Variants in EOMES observed in about 807,000 individuals in gnomAD.
EOMES encodes eomesodermin.
EOMES carries 18 observed loss-of-function variants against 61.0 expected under a neutral mutation model. The ratio of observed to expected loss-of-function variants is 0.30; its 90% CI spans 0.20 to 0.44. The LOEUF (loss-of-function observed/expected upper bound fraction) is 0.44. EOMES is among the 20% of genes least tolerant of loss of function. The probability of loss-of-function intolerance (pLI) is 1.00; values close to 1 mark genes in which losing one functional copy is unlikely to be tolerated. For synonymous variants in EOMES, 430 were observed against 394.0 expected (o/e 1.09, Z -1.08); for missense variants, 885 against 939.2 (o/e 0.94, Z 0.75).
chr3:27,722,126 C>G lies in EOMES; in HGVS notation c.169G>C (p.Gly57Arg), dbSNP rs1188896468. Residue 57 changes from glycine to arginine, a missense_variant, in exon 1 of 6, where the codon GGC becomes CGC. Around this residue, in one of 3 missense-constraint regions of EOMES, gnomAD observed 449 missense variants for 383.6 expected, o/e 1.17. Coordinates refer to ENST00000449599, the MANE Select transcript of EOMES (RefSeq NM_001278182.2). Reference sequence around the variant, plus strand: ...CTCACCGCCTCGCAGGAGAGACTGCCGGAAAACTTCTTGGACGCTTTGTCT... The same window carrying G: ...CTCACCGCCTCGCAGGAGAGACTGCGGGAAAACTTCTTGGACGCTTTGTCT... ...DLDKASKKFS[G>R]SLSCEAVSGE... The G allele has an allele frequency of 5.1e-6, 8 of 1,554,304 alleles. No individual in the cohort carries two copies. Among genetic ancestry groups the G allele is most frequent in the Non-Finnish European group, 6.1e-6 (7 of 1,149,270 alleles).
Position 27,719,540 on chromosome 3 carries a change from G to C in EOMES, c.1037-59C>G, listed in dbSNP as rs1401316237. 2.7e-6 allele frequency: 4 copies of C among 1,482,264 alleles called. No homozygotes were observed. The East Asian group carries it at 9.1e-5, about 34-fold the overall frequency. 91.8% of individuals were successfully genotyped at this position (1,482,264 alleles called of 1,614,324 possible). A position where few individuals can be genotyped will look rare whatever the true frequency, so the allele number is the denominator to read the frequency against. On this transcript the variant is annotated intron_variant, in intron 2 of 5. Transcript: ENST00000449599. ...GCATATAGGGCTGTTTACAAATGGA[G>C]AAAGCGGAGGGATGTCTCTTAGCTA...
At chr3:27,718,936 CTT>C (rs755663629) in intron 3 of EOMES, 43 bp from the exon 4 acceptor site, 14 of 1,443,990 alleles carry the variant, frequency 9.7e-6, no homozygotes, top group African/African-American at 1.4e-5. Flanking sequence ...TAAAAAGCCT[CTT>C]AGTGGTTCAA....
rs1308832712 is a variant in EOMES at position 27,722,181 on chromosome 3, G to C, written c.114C>G (p.Ser38Arg). Residue 38 changes from serine to arginine, a missense_variant, in exon 1 of 6, where the codon AGC (serine) becomes AGG (arginine). Ser to Arg is a moderately radical substitution (Grantham distance 110, BLOSUM62 -1). Transcript: ENST00000449599. ...GSGGSAGHLPSAAPSPQKLDL... is the reference protein window; with the variant it reads ...GSGGSAGHLPRAAPSPQKLDL... ...CCAACTTCTGAGGAGAGGGGGCCGCGCTGGGGAGGTGGCCAGCGCTCCCGC... is the reference window on the plus strand; with the variant it reads ...CCAACTTCTGAGGAGAGGGGGCCGCCCTGGGGAGGTGGCCAGCGCTCCCGC... 5 of 1,594,964 alleles carry C rather than the reference G, an allele frequency of 3.1e-6. No homozygotes were observed. Among genetic ancestry groups the C allele is most frequent in the African/African-American group, 1.3e-5 (1 of 74,734 alleles).
Position 27,721,947 on chromosome 3 carries a change from G to A in EOMES, c.348C>T (p.Ser116=). The change falls in exon 1 of 6, where the codon TCC becomes TCT. Residue 116 remains serine (S), a synonymous_variant. Coordinates refer to ENST00000449599, the MANE Select transcript of EOMES (RefSeq NM_001278182.2). This position sits in a 1 kb window ranked among gnomAD's most constrained non-coding sequence, Gnocchi z 7.4. ...GSPCGEEELP[S]AAAAAAAAAA... is the part of the protein sequence containing the mutation. ...CGGCGGCGGCGGCGGCTGCAGCGGC[G>A]GAGGGCAGCTCCTCCTCCCCGCAGG... 7.4e-7 allele frequency: 1 copy of A among 1,358,956 alleles called. No individual in the cohort carries two copies. Among genetic ancestry groups the A allele is most frequent in the Non-Finnish European group, 9.4e-7 (1 of 1,061,496 alleles). The allele number at this position is 1,358,956 out of a possible 1,614,324, so 84.2% of individuals were successfully genotyped here.
intron 2 of EOMES, 59 bp downstream of exon 2, chr3:27,720,112 C>T (rs1310081315): frequency 6.1e-6 from 9 of 1,467,048 alleles, no homozygotes; most frequent in Non-Finnish European, 6.4e-6. Flanking sequence ...TTGTGTGAGT[C>T]GAGGGTTACG....
chr3:27,722,163 C>G lies in EOMES; in HGVS notation c.132G>C (p.Gln44His), dbSNP rs1162591117. The change falls in exon 1 of 6, where the codon CAG becomes CAC. Residue 44 changes from glutamine to histidine, a missense_variant. This residue lies in a region of EOMES where 449 missense variants were observed against 383.6 expected (regional missense o/e 1.17). Transcript: ENST00000449599. ...TGGACGCTTTGTCTAAGTCCAACTT[C>G]TGAGGAGAGGGGGCCGCGCTGGGGA... ...GHLPSAAPSP[Q>H]KLDLDKASKK... The G allele has an allele frequency of 1.9e-6, 3 of 1,582,200 alleles. No individual in the cohort carries two copies. The highest frequency in any genetic ancestry group is 2.6e-6 in the Non-Finnish European group (3 of 1,165,236).
Position 27,721,827 on chromosome 3 carries a change from C to T in EOMES, c.468G>A (p.Leu156=), listed in dbSNP as rs1341980901. ...LQSPGPQGSE[L]AAPCSLFPYQ... The stretch of plus-strand genomic sequence containing the variant: ...ACGGGAAGAGTGAGCAGGGCGCAGC[C>T]AGCTCCGACCCCTGAGGACCGGGGG... Residue 156 remains leucine, a synonymous_variant, in exon 1 of 6, where the codon CTG becomes CTA. Transcript: ENST00000449599. This position sits in a 1 kb window ranked among gnomAD's most constrained non-coding sequence, Gnocchi z 7.4. The T allele has an allele frequency of 2.0e-6, 3 of 1,519,114 alleles. No homozygotes were observed. The South Asian group carries it at 3.8e-5, about 19-fold the overall frequency. 94.1% of individuals were successfully genotyped at this position (1,519,114 alleles called of 1,614,324 possible).
In EOMES at chr3:27,717,405, C is replaced by T. The variant is rs772205038; in HGVS notation, c.1783G>A (p.Gly595Arg). 1 of 1,614,180 alleles carries T rather than the reference C, an allele frequency of 6.2e-7. No individual in the cohort carries two copies. Among genetic ancestry groups the T allele is most frequent in the Non-Finnish European group, 8.5e-7 (1 of 1,180,036 alleles). Residue 595 changes from glycine (G) to arginine (R), a missense_variant, in exon 6 of 6, where the codon GGA becomes AGA. Around this residue, in one of 3 missense-constraint regions of EOMES, gnomAD observed 259 missense variants for 282.3 expected, o/e 0.92. Transcript: ENST00000449599. The surrounding 1 kb of genome is among the most constrained non-coding windows in gnomAD (Gnocchi z 4.5). ...DPTFPAMAGW[G>R]GRGSYQRKMA... ...TTCCTCTGGTAAGAACCTCGACCTC[C>T]CCACCCTGCCATTGCAGGAAAGGTT... is the stretch of plus-strand genomic sequence containing the variant.
Position 27,718,897 on chromosome 3 carries a change from G to A in EOMES, c.1159-4C>T. Reference sequence around the variant, plus strand: ...GTAAGGATTGTAAGACTATCATCTGGAAAGAGTACAGAAAAAAATTGCTAA... The same window carrying A: ...GTAAGGATTGTAAGACTATCATCTGAAAAGAGTACAGAAAAAAATTGCTAA... On this transcript the variant is annotated splice_region_variant and splice_polypyrimidine_tract_variant and intron_variant, in intron 3 of 5. Transcript: ENST00000449599. 2 of 1,599,078 alleles carry A rather than the reference G, an allele frequency of 1.3e-6. No homozygotes were observed. Among genetic ancestry groups the A allele is most frequent in the Non-Finnish European group, 1.7e-6 (2 of 1,171,762 alleles).
chr3:27,722,530 C>G (rs935066990), upstream of EOMES: 33 of 1,339,786 alleles, frequency 2.5e-5, no homozygotes, highest in Non-Finnish European at 2.9e-5. Flanking sequence ...GAGGTGGAAA[C>G]TAACCCAGAA....
At position 27,717,239 on chromosome 3, in the gene EOMES, T is replaced by C. The variant is rs374923878; in HGVS notation, c.1949A>G (p.Asn650Ser). Residue 650 changes from asparagine (N) to serine (S), a missense_variant, in exon 6 of 6, where the codon AAT becomes AGT. Transcript: ENST00000449599. This position sits in a 1 kb window ranked among gnomAD's most constrained non-coding sequence, Gnocchi z 4.5. The part of the protein sequence containing the change: ...TPPSIKSLDS[N>S]DSGVYTSACK... Reference sequence around the variant, plus strand: ...AGCACTGGTGTATACTCCTGAATCATTGGAATCTAGAGATTTGATGGAAGG... The same window carrying C: ...AGCACTGGTGTATACTCCTGAATCACTGGAATCTAGAGATTTGATGGAAGG... The C allele has an allele frequency of 3.1e-5, 50 of 1,613,840 alleles. No homozygotes were observed. The highest frequency in any genetic ancestry group is 1.6e-4 in the Middle Eastern group (1 of 6,084).
Position 27,722,036 on chromosome 3 carries a change from C to T in EOMES, c.259G>A (p.Asp87Asn). 6.5e-7 allele frequency: 1 copy of T among 1,529,518 alleles called. No homozygotes were observed. Among genetic ancestry groups the T allele is most frequent in the South Asian group, 1.2e-5 (1 of 82,156 alleles). The allele number at this position is 1,529,518 out of a possible 1,614,324, so 94.7% of individuals were successfully genotyped here. A position where few individuals can be genotyped will look rare whatever the true frequency, so the allele number is the denominator to read the frequency against. The change falls in exon 1 of 6, where the codon GAC (aspartate) becomes AAC (asparagine). Residue 87 changes from aspartate (D) to asparagine (N), a missense_variant. Transcript: ENST00000449599. ...ACTGCCGCAGCGCTGGCAAATGCGT[C>T]CCCGGCGTCGGTGTCACTAAGCATG... ...AAMLSDTDAG[D>N]AFASAAAVAK...
At position 27,716,756 on chromosome 3, in the gene EOMES, C is replaced by A; in HGVS notation, c.*314G>T. The A allele has an allele frequency of 3.5e-6, 1 of 285,594 alleles. No homozygotes were observed. The highest frequency in any genetic ancestry group is 6.5e-6 in the Non-Finnish European group (1 of 153,670). The allele number at this position is 285,594 out of a possible 1,614,324, so 17.7% of individuals were successfully genotyped here. A position where few individuals can be genotyped will look rare whatever the true frequency, so the allele number is the denominator to read the frequency against. On this transcript the variant is annotated 3_prime_UTR_variant, in exon 6 of 6. Coordinates refer to ENST00000449599, the MANE Select transcript of EOMES (RefSeq NM_001278182.2). Reference sequence around the variant, plus strand: ...TAACTCATCTGATAGCACTGGGCACCCAATGTTCACAGCCTGCTTCTTTGA... The same window carrying A: ...TAACTCATCTGATAGCACTGGGCACACAATGTTCACAGCCTGCTTCTTTGA...
chr3:27,722,246 C>G lies in EOMES; in HGVS notation c.49G>C (p.Ala17Pro), dbSNP rs759319237. Reference sequence around the variant, plus strand: ...GCACTCTCCAGCGGGTAGAAGTGCGCGCCAGGCAGGTTCACTGAGCTCACC... The same window carrying G: ...GCACTCTCCAGCGGGTAGAAGTGCGGGCCAGGCAGGTTCACTGAGCTCACC... ...LLVSSVNLPG[A>P]HFYPLESARG... The change falls in exon 1 of 6, where the codon GCG (alanine) becomes CCG (proline). Residue 17 changes from alanine to proline, a missense_variant. Ala to Pro is a conservative substitution (Grantham distance 27). Coordinates refer to ENST00000449599, the MANE Select transcript of EOMES (RefSeq NM_001278182.2). The G allele has an allele frequency of 7.5e-6, 12 of 1,604,510 alleles. No homozygotes were observed. The African/African-American group carries it at 1.6e-4, about 22-fold the overall frequency.
chr3:27,716,998 A>C lies in EOMES; in HGVS notation c.*72T>G. The C allele has an allele frequency of 8.1e-7, 1 of 1,234,402 alleles. No individual in the cohort carries two copies. The allele number at this position is 1,234,402 out of a possible 1,614,324, so 76.5% of individuals were successfully genotyped here. On this transcript the variant is annotated 3_prime_UTR_variant, in exon 6 of 6. Transcript: ENST00000449599. ...AAACATCTTTTTGGCAACCTAGGCAAAGAAGACAACAAAAAACACCACCAA... is the reference window on the plus strand; with the variant it reads ...AAACATCTTTTTGGCAACCTAGGCACAGAAGACAACAAAAAACACCACCAA...
rs759791133 is a variant in EOMES at position 27,718,813 on chromosome 3, C to T, written c.1239G>A (p.Leu413=). 12 of 1,613,802 alleles carry T rather than the reference C, an allele frequency of 7.4e-6. No individual in the cohort carries two copies. Residue 413 remains leucine, a synonymous_variant, in exon 4 of 6, where the codon TTG becomes TTA. Coordinates refer to ENST00000449599, the MANE Select transcript of EOMES (RefSeq NM_001278182.2). ...AAGTCTGGGTCTTTGAGGGCTCATT[C>T]AAGTCCTCCACGCCATCCTCTGTAA... ...VEVTEDGVED[L]NEPSKTQTFT... is the part of the protein sequence containing the mutation.
In EOMES at chr3:27,716,161, ACTAT is replaced by A. The variant is rs1336997566; in HGVS notation, c.*905_*908del. 6.6e-6 allele frequency: 1 copy of A among 152,206 alleles called. No individual in the cohort carries two copies. The highest frequency in any genetic ancestry group is 1.5e-5 in the Non-Finnish European group (1 of 68,032). The allele number at this position is 152,206 out of a possible 1,614,324, so 9.4% of individuals were successfully genotyped here. A position where few individuals can be genotyped will look rare whatever the true frequency, so the allele number is the denominator to read the frequency against. The stretch of plus-strand genomic sequence containing the variant: ...TACATAGTAGCTGAATACATTCTTA[ACTAT>A]CTAAGAAGTAAACAGAATATTCCCA... On this transcript the variant is annotated 3_prime_UTR_variant, in exon 6 of 6. Coordinates refer to ENST00000449599, the MANE Select transcript of EOMES (RefSeq NM_001278182.2).
chr3:27,718,536 T>C lies in EOMES; in HGVS notation c.1379+51A>G, dbSNP rs372750653. 32 of 1,202,910 alleles carry C rather than the reference T, an allele frequency of 2.7e-5. 2 individuals carry two copies. In the Admixed American group the frequency reaches 3.1e-4, roughly 12 times the overall value. 74.5% of individuals were successfully genotyped at this position (1,202,910 alleles called of 1,614,324 possible). ...ATTATCAGCAAAGTGCCTGTTGATG[T>C]ATGTCCTGCTCAGAGATGATCAGGC... On this transcript the variant is annotated intron_variant, in intron 5 of 5. Coordinates refer to ENST00000449599, the MANE Select transcript of EOMES (RefSeq NM_001278182.2).
Position 27,717,190 on chromosome 3 carries a change from A to G in EOMES, c.1998T>C (p.Pro666=). The change falls in exon 6 of 6, where the codon CCT becomes CCC. Residue 666 remains proline, a synonymous_variant. Transcript: ENST00000449599. This position sits in a 1 kb window ranked among gnomAD's most constrained non-coding sequence, Gnocchi z 4.5. Reference sequence around the variant, plus strand: ...GTGAATTTTCATTACTGGAGTTGCTAGGAGACAGCCGCCTTCGCTTACAAG... The same window carrying G: ...GTGAATTTTCATTACTGGAGTTGCTGGGAGACAGCCGCCTTCGCTTACAAG... ...TSACKRRRLS[P]SNSSNENSPS... The G allele has an allele frequency of 6.2e-7, 1 of 1,614,098 alleles. No homozygotes were observed. The highest frequency in any genetic ancestry group is 8.5e-7 in the Non-Finnish European group (1 of 1,179,944).
Sources: gnomAD v4.1 joint callset for allele counts on GRCh38, gnomAD v4.1.1 for gene constraint, gnomAD v4.1.1 regional missense constraint, Gnocchi (gnomAD v3.1) non-coding constraint, MANE v1.5 for transcripts, NCBI Gene and HGNC (gene_info 2026-07-23, HGNC 2026-07-21) for gene names.